SMAD2: variants seen among roughly 807,000 people sequenced by gnomAD.
The protein encoded by SMAD2 is SMAD family member 2.
In SMAD2, 8 loss-of-function variants were observed where a neutral mutation model predicts 64.4. The observed-to-expected ratio is 0.12, with a 90% CI of 0.07 to 0.22. The LOEUF (loss-of-function observed/expected upper bound fraction) is 0.22. Among genes scored for constraint, SMAD2 ranks in the 10% least tolerant of loss-of-function variants. SMAD2 has a pLI of 1.00. For synonymous variants in SMAD2, 203 were observed against 195.8 expected (o/e 1.04, Z -0.31); for missense variants, 289 against 561.2 (o/e 0.51, Z 4.90).
chr18:47,890,078 G>T (rs1598844252), intron 2 of SMAD2, among the ~76,000 whole-genome samples: 1 of 152,086 alleles, frequency 6.6e-6, no homozygotes, highest in Non-Finnish European at 1.5e-5. Flanking sequence ...TATACACAAG[G>T]GACTTTGAAT....
chr18:47,907,526 C>G (rs1048785359), intron 1 of SMAD2, among the ~76,000 whole-genome samples: 1 of 152,226 alleles, frequency 6.6e-6, no homozygotes, highest in Admixed American at 6.5e-5. Context: ...GACAGAAGCA[C>G]AAAGTACCTT....
Position 47,896,748 on chromosome 18 carries a change from G to A in SMAD2, c.9C>T (p.Ser3=). The A allele has an allele frequency of 6.2e-7, 1 of 1,613,834 alleles. No homozygotes were observed. The highest frequency in any genetic ancestry group is 8.5e-7 in the Non-Finnish European group (1 of 1,179,912). ...CAACTGGCGGCGTGAATGGCAAGAT[G>A]GACGACATGTTCTTACCAAAGGCAG... The part of the protein sequence containing the change: MS[S]ILPFTPPVVK... The change falls in exon 2 of 11, where the codon TCC becomes TCT. Residue 3 remains serine, a synonymous_variant. Coordinates refer to ENST00000262160, the MANE Select transcript of SMAD2 (RefSeq NM_005901.6).
At position 47,870,569 on chromosome 18, in the gene SMAD2, G is replaced by A. The variant is rs2144385014; in HGVS notation, c.237-5C>T. ...CCCCAAATTTCAGAGCAAGTGCTGT[G>A]CATAAATTGAAAAACAAAAAATTGA... is the stretch of plus-strand genomic sequence containing the variant. On this transcript the variant is annotated splice_region_variant and splice_polypyrimidine_tract_variant and intron_variant, in intron 2 of 10. Coordinates refer to ENST00000262160, the MANE Select transcript of SMAD2 (RefSeq NM_005901.6). 3.7e-6 allele frequency: 6 copies of A among 1,607,256 alleles called. No homozygotes were observed. Among genetic ancestry groups the A allele is most frequent in the East Asian group, 2.2e-5 (1 of 44,798 alleles).
rs1351142600 is a variant in SMAD2 at position 47,834,714 on chromosome 18, A to C, written c.*7113T>G. On this transcript the variant is annotated 3_prime_UTR_variant, in exon 11 of 11. Coordinates refer to ENST00000262160, the MANE Select transcript of SMAD2 (RefSeq NM_005901.6). The stretch of plus-strand genomic sequence containing the variant: ...ATTAGTGAGCAGTGTATAAAAGCTC[A>C]CTCTTGAAATCTGTTTTCAGACAAA... 1 of 220,738 alleles carries C rather than the reference A, an allele frequency of 4.5e-6. No homozygotes were observed. 13.7% of individuals were successfully genotyped at this position (220,738 alleles called of 1,614,324 possible). A position where few individuals can be genotyped will look rare whatever the true frequency, so the allele number is the denominator to read the frequency against.
At chr18:47,890,410 A>C (rs1371062251) in intron 2 of SMAD2, among the ~76,000 whole-genome samples, 2 of 152,256 alleles carry the variant, frequency 1.3e-5, no homozygotes, top group Non-Finnish European at 2.9e-5. Context: ...TTCTAAGCAG[A>C]GACAATACAT....
At chr18:47,850,210 T>TA (rs1215008525) in intron 7 of SMAD2, among the ~76,000 whole-genome samples, 1 of 82,440 alleles carries the variant, frequency 1.2e-5, no homozygotes, top group African/African-American at 4.8e-5. Context: ...ATATATATTA[T>TA]TATATATATG....
chr18:47,849,808 GA>G (rs1914919586), intron 7 of SMAD2, among the ~76,000 whole-genome samples: 1 of 151,936 alleles, frequency 6.6e-6, no homozygotes, highest in Non-Finnish European at 1.5e-5. Context: ...AGGAGTTTGA[GA>G]CCAGCCTGGG....
intron 7 of SMAD2, 84 bp downstream of exon 7, chr18:47,851,190 A>G (rs1042917710): frequency 2.0e-6 from 2 of 986,108 alleles, no homozygotes; most frequent in Non-Finnish European, 3.2e-6. Flanking sequence ...TCGGATATAT[A>G]AAAAATAACT....
intron 5 of SMAD2, chr18:47,866,761 T>C (rs898785513): frequency 1.1e-4 from 16 of 152,230 alleles, no homozygotes; most frequent in African/African-American, 3.9e-4. Context: ...GGTTTTGCTG[T>C]TGCTTGAAAC....
intron 1 of SMAD2, among the ~76,000 whole-genome samples, chr18:47,929,352 T>G (rs2034903773): frequency 6.6e-6 from 1 of 152,226 alleles, no homozygotes; most frequent in Admixed American, 6.5e-5. Context: ...TACGAAACTA[T>G]CAGGTTCAAT....
chr18:47,853,503 G>C (rs1180816095), intron 6 of SMAD2: 2 of 198,776 alleles, frequency 1.0e-5, no homozygotes, highest in Admixed American at 6.3e-5. Flanking sequence ...CAGCCTGGGC[G>C]ACAGAGCAAG....
chr18:47,886,199 A>T (rs1000757753), intron 2 of SMAD2, among the ~76,000 whole-genome samples: 1 of 152,218 alleles, frequency 6.6e-6, no homozygotes, highest in African/African-American at 2.4e-5. Flanking sequence ...TTTGATTGTA[A>T]AAGTTTTTAT....
At chr18:47,889,314 C>T (rs1296521945) in intron 2 of SMAD2, among the ~76,000 whole-genome samples, 2 of 152,116 alleles carry the variant, frequency 1.3e-5, no homozygotes, top group Non-Finnish European at 2.9e-5. Context: ...GAGGACCACA[C>T]AGGCCTGGAA....
At chr18:47,872,033 G>C (rs1405785078) in intron 2 of SMAD2, among the ~76,000 whole-genome samples, 1 of 152,198 alleles carries the variant, frequency 6.6e-6, no homozygotes, top group Non-Finnish European at 1.5e-5. Context: ...AATAGAGCAT[G>C]AAGTTTACAT....
intron 6 of SMAD2, among the ~76,000 whole-genome samples, chr18:47,859,764 A>C (rs1345982458): frequency 6.6e-6 from 1 of 152,232 alleles, no homozygotes; most frequent in Non-Finnish European, 1.5e-5. Context: ...AAAGATGAAT[A>C]CAAACAAAAC....
At chr18:47,857,401 A>G (rs2030803239) in intron 6 of SMAD2, among the ~76,000 whole-genome samples, 1 of 152,170 alleles carries the variant, frequency 6.6e-6, no homozygotes, top group African/African-American at 2.4e-5. Flanking sequence ...CAATTTTTCT[A>G]TGAGAGCATA....
At chr18:47,892,428 G>GAC in intron 2 of SMAD2, among the ~76,000 whole-genome samples, 1 of 152,148 alleles carries the variant, frequency 6.6e-6, no homozygotes, top group Non-Finnish European at 1.5e-5. Flanking sequence ...TGAAACTCCT[G>GAC]ACCTCAGGTG....
At chr18:47,856,670 C>A (rs988686454) in intron 6 of SMAD2, among the ~76,000 whole-genome samples, 2 of 152,148 alleles carry the variant, frequency 1.3e-5, no homozygotes, top group Admixed American at 1.3e-4. Context: ...TAAACAAGAA[C>A]AGGAACTCTA....
Position 47,822,132 on chromosome 18 carries a change from T to C in SMAD2, c.*19695A>G, listed in dbSNP as rs1010819503. Reference sequence around the variant, plus strand: ...TTTATGAGTATGTTATTGATATGAGTGTTCCAAAATTGTACGATGCCGTTA... The same window carrying C: ...TTTATGAGTATGTTATTGATATGAGCGTTCCAAAATTGTACGATGCCGTTA... On this transcript the variant is annotated 3_prime_UTR_variant, in exon 11 of 11. Coordinates refer to ENST00000262160, the MANE Select transcript of SMAD2 (RefSeq NM_005901.6). 1 of 152,212 alleles carries C rather than the reference T, an allele frequency of 6.6e-6. No individual in the cohort carries two copies. Among genetic ancestry groups the C allele is most frequent in the Non-Finnish European group, 1.5e-5 (1 of 68,040 alleles). The allele number at this position is 152,212 out of a possible 1,614,324, so 9.4% of individuals were successfully genotyped here.
Sources: allele counts gnomAD v4.1 joint callset (sites outside exome capture counted in the v4.1 genomes callset), GRCh38; gene constraint gnomAD v4.1.1; transcripts MANE v1.5; gene names NCBI Gene and HGNC (gene_info 2026-07-23, HGNC 2026-07-21).